RBFOX2: variants seen among roughly 807,000 people sequenced by gnomAD.
RBFOX2 encodes the protein RNA binding fox-1 homolog 2, also known as RNA binding protein fox-1 homolog 2.
Under a neutral mutation model 49.1 loss-of-function variants are expected in RBFOX2, and 10 were observed. The ratio of observed to expected loss-of-function variants is 0.20; its 90% CI spans 0.13 to 0.35. The LOEUF is 0.35. RBFOX2 is among the 10% of genes least tolerant of loss of function. The pLI is 1.00. For missense variants in RBFOX2, 323 were observed against 486.9 expected (o/e 0.66, Z 3.17); for synonymous variants, 183 against 187.4 (o/e 0.98, Z 0.19).
chr22:35,754,840 T>C (rs1936370365), intron 9 of RBFOX2, among the ~76,000 whole-genome samples: 1 of 152,208 alleles, frequency 6.6e-6, no homozygotes, highest in Admixed American at 6.5e-5. Context: ...TCTGGGTAAG[T>C]CTCTGAGAAA....
intron 1 of RBFOX2, among the ~76,000 whole-genome samples, chr22:35,919,614 T>C (rs975866959): frequency 2.0e-5 from 3 of 151,892 alleles, no homozygotes; most frequent in Admixed American, 2.0e-4. Flanking sequence ...AAACTGACTG[T>C]GGTGATGGTG....
chr22:35,793,924 A>G (rs944707460), intron 2 of RBFOX2, among the ~76,000 whole-genome samples: 4 of 152,228 alleles, frequency 2.6e-5, no homozygotes, highest in African/African-American at 9.6e-5. Context: ...TCATTTGTAT[A>G]TGTAACATGA....
intron 1 of RBFOX2, among the ~76,000 whole-genome samples, chr22:36,022,464 T>C (rs1401797056): frequency 6.6e-6 from 1 of 152,248 alleles, no homozygotes; most frequent in African/African-American, 2.4e-5. Context: ...CCCTGAAGAA[T>C]AATTCTACTT....
intron 1 of RBFOX2, among the ~76,000 whole-genome samples, chr22:35,869,925 C>G (rs1230067884): frequency 1.3e-5 from 2 of 152,240 alleles, no homozygotes; most frequent in Non-Finnish European, 2.9e-5. Context: ...GTACAACCTA[C>G]TTTCTGAAAT....
chr22:35,772,026 T>C (rs957147879), intron 4 of RBFOX2, among the ~76,000 whole-genome samples: 2 of 152,156 alleles, frequency 1.3e-5, no homozygotes, highest in Non-Finnish European at 2.9e-5. Flanking sequence ...AGCTTCCAAA[T>C]GATCATACAA....
At chr22:35,851,371 T>C (rs1446811902) in intron 1 of RBFOX2, among the ~76,000 whole-genome samples, 3 of 152,180 alleles carry the variant, frequency 2.0e-5, no homozygotes, top group Non-Finnish European at 1.5e-5. Context: ...GACAAAATAT[T>C]GTACTAAGCC....
At chr22:35,748,707 A>G (rs1933736247) in intron 9 of RBFOX2, 1 of 152,238 alleles carries the variant, frequency 6.6e-6, no homozygotes, top group Non-Finnish European at 1.5e-5. Context: ...TCAAAGTAAC[A>G]TTAAAAAAAT....
intron 1 of RBFOX2, among the ~76,000 whole-genome samples, chr22:35,810,965 A>G (rs1951759935): frequency 6.6e-6 from 1 of 152,224 alleles, no homozygotes; most frequent in Non-Finnish European, 1.5e-5. Context: ...GGAAGCCAAT[A>G]TTCTGAAACA....
At chr22:35,862,081 A>T (rs7284788) in intron 1 of RBFOX2, among the ~76,000 whole-genome samples, 69 of 152,288 alleles carry the variant, frequency 4.5e-4, no homozygotes, top group African/African-American at 1.6e-3. Context: ...CAACTAATCA[A>T]TAGTGACAGA....
intron 1 of RBFOX2, among the ~76,000 whole-genome samples, chr22:35,895,654 G>A (rs536610013): frequency 6.6e-6 from 1 of 152,170 alleles, no homozygotes; most frequent in Non-Finnish European, 1.5e-5. Flanking sequence ...TCATGAGCTC[G>A]TAGCATGGTA....
chr22:35,751,229 T>C (rs1323677765), intron 9 of RBFOX2, among the ~76,000 whole-genome samples: 1 of 152,246 alleles, frequency 6.6e-6, no homozygotes, highest in Admixed American at 6.5e-5. Context: ...ATTTTTGTTT[T>C]AGGTTTACAT....
intron 2 of RBFOX2, among the ~76,000 whole-genome samples, chr22:35,783,711 A>G (rs1945738555): frequency 1.3e-5 from 2 of 152,222 alleles, no homozygotes; most frequent in African/African-American, 2.4e-5. Context: ...TGAGAAAGCC[A>G]GGGCCCCCAG....
chr22:35,895,299 C>T (rs2149401515), intron 1 of RBFOX2, among the ~76,000 whole-genome samples: 1 of 152,286 alleles, frequency 6.6e-6, no homozygotes, highest in South Asian at 2.1e-4. Flanking sequence ...GCTAGATATA[C>T]ATTAGTTTAA....
chr22:35,942,386 C>A (rs2053784523), upstream of RBFOX2, among the ~76,000 whole-genome samples: 1 of 151,976 alleles, frequency 6.6e-6, no homozygotes, highest in Non-Finnish European at 1.5e-5. Context: ...AATGCATATA[C>A]CTTCCTGTAA....
At chr22:35,908,162 C>T (rs981363200) in intron 1 of RBFOX2, among the ~76,000 whole-genome samples, 1 of 152,122 alleles carries the variant, frequency 6.6e-6, no homozygotes, top group Admixed American at 6.5e-5. Context: ...TTCTTGAATT[C>T]GTATAATGAG....
At chr22:35,856,198 A>G (rs982663438) in intron 1 of RBFOX2, among the ~76,000 whole-genome samples, 1 of 152,114 alleles carries the variant, frequency 6.6e-6, no homozygotes, top group African/African-American at 2.4e-5. Context: ...GTAAGGTTTA[A>G]GTTTTGCTAA....
chr22:35,974,506 G>A (rs142134085), intron 1 of RBFOX2, among the ~76,000 whole-genome samples: 51 of 152,020 alleles, frequency 3.4e-4, no homozygotes, highest in African/African-American at 1.2e-3. Context: ...GACCAATGTG[G>A]TGAAATCCTG....
At chr22:35,744,224 C>T in exon 12 of RBFOX2, 1 of 1,611,004 alleles carries the variant, frequency 6.2e-7, no homozygotes, top group African/African-American at 1.3e-5. Context: ...GGCAAATCGG[C>T]TGTAGCCACC....
At chr22:35,831,442 A>T (rs562387324) in intron 1 of RBFOX2, among the ~76,000 whole-genome samples, 1 of 152,282 alleles carries the variant, frequency 6.6e-6, no homozygotes, top group South Asian at 2.1e-4. Flanking sequence ...CAAAAAAAAA[A>T]TAATAATAAA....
Sources: allele counts gnomAD v4.1 joint callset (sites outside exome capture counted in the v4.1 genomes callset), GRCh38; gene constraint gnomAD v4.1.1; transcripts MANE v1.5; gene names NCBI Gene and HGNC (gene_info 2026-07-23, HGNC 2026-07-21).